Variants in ATP11A observed in about 807,000 individuals in gnomAD.
The protein encoded by ATP11A is phospholipid-transporting ATPase IH.
A neutral mutation model predicts 154.4 loss-of-function variants in ATP11A; 81 were observed. The observed-to-expected ratio is 0.52, with a 90% confidence interval of 0.44 to 0.63. ATP11A has a LOEUF of 0.63. Among genes scored for constraint, ATP11A ranks in the 30% least tolerant of loss-of-function variants. ATP11A has a pLI of 0.00. For synonymous variants in ATP11A, 623 were observed against 585.9 expected, an observed-to-expected ratio of 1.06 and a Z score of -0.91; for missense variants, 1,316 against 1,474.3, an observed-to-expected ratio of 0.89 and a Z score of 1.76.
intron 1 of ATP11A, among the ~76,000 whole-genome samples, chr13:112,728,844 A>G (rs955119369): frequency 1.3e-5 from 2 of 152,282 alleles, no homozygotes; most frequent in African/African-American, 4.8e-5. Flanking sequence ...TGGATATACA[A>G]ACAGTTCAAA....
intron 1 of ATP11A, among the ~76,000 whole-genome samples, chr13:112,717,086 G>C (rs1888553172): frequency 6.6e-6 from 1 of 152,188 alleles, no homozygotes; most frequent in African/African-American, 2.4e-5. Flanking sequence ...CTTCTGTTGT[G>C]ACCTTGACCA....
At chr13:112,714,391 A>ACGGGCAGAGG (rs1888187758) in intron 1 of ATP11A, among the ~76,000 whole-genome samples, 1 of 152,072 alleles carries the variant, frequency 6.6e-6, no homozygotes, top group African/African-American at 2.4e-5. Flanking sequence ...GTTTACGGTG[A>ACGGGCAGAGG]CTTTCCTATG....
At position 112,832,882 on chromosome 13, in the gene ATP11A, G is replaced by A. The variant is rs138532095; in HGVS notation, c.1418G>A (p.Arg473Gln). The change falls in exon 14 of 30, where the codon CGG becomes CAG. Residue 473 changes from arginine to glutamine, a missense_variant. By Grantham distance (43) the Arg-to-Gln change is conservative. This residue lies in a region of ATP11A where 876 missense variants were observed against 1,006.8 expected (regional missense o/e 0.87). Transcript: ENST00000375645. ...NGREREELFF[R>Q]ALCLCHTVQV... ...TAGGAGCGCGAGGAGCTGTTTTTCC[G>A]GGCCCTCTGTCTCTGCCACACCGTC... 466 of 1,613,380 alleles carry A rather than the reference G, an allele frequency of 2.9e-4. 1 individual carries two copies. In the East Asian group the frequency reaches 7.3e-3, roughly 25 times the overall value.
rs548735972 is a variant in ATP11A, at chr13:112,855,023, T to C, written c.2243+493T>C. Among the ~76,000 whole-genome samples the C allele has an allele frequency of 6.9e-4, 105 of 152,364 alleles. 1 individual carries two copies. Among genetic ancestry groups the C allele is most frequent in the African/African-American group, 2.5e-3 (103 of 41,588 alleles). On this transcript the variant is annotated intron_variant, in intron 19 of 29. Coordinates refer to ENST00000375645, the MANE Select transcript of ATP11A (RefSeq NM_015205.3). ...TTATCGATGCTGTCCTTACTGGTGT[T>C]AGATGCATTATCTGAGATTACATGT...
intron 2 of ATP11A, among the ~76,000 whole-genome samples, chr13:112,797,325 A>G (rs1398020231): frequency 6.6e-6 from 1 of 151,552 alleles, no homozygotes; most frequent in African/African-American, 2.4e-5. Context: ...TATATGCATA[A>G]TGAAAAAAAC....
chr13:112,880,418 A>G lies in ATP11A; in HGVS notation c.*10-1458A>G. ...CGCCCTGGCAGCTCCATGACACCCC[A>G]TGCAGACTCCAACAGGGGCTTCGAG... On this transcript the variant is annotated intron_variant, in intron 29 of 29. Transcript: ENST00000375645. 6.4e-6 allele frequency: 5 copies of G among 785,152 alleles called. No homozygotes were observed. The South Asian group carries it at 1.1e-4, about 17-fold the overall frequency. The allele number at this position is 785,152 out of a possible 1,614,324, so 48.6% of individuals were successfully genotyped here.
In ATP11A at chr13:112,810,837, G is replaced by A. The variant is rs1056213016; in HGVS notation, c.441+111G>A. The A allele has an allele frequency of 2.1e-5, 19 of 893,190 alleles. No individual in the cohort carries two copies. The African/African-American group carries it at 3.0e-4, about 14-fold the overall frequency. 55.3% of individuals were successfully genotyped at this position (893,190 alleles called of 1,614,324 possible). On this transcript the variant is annotated intron_variant, in intron 5 of 29. Coordinates refer to ENST00000375645, the MANE Select transcript of ATP11A (RefSeq NM_015205.3). ...TCCAGTCCCAGCTACTCAGGAGGCT[G>A]AGGCAGGAGGATCGCTGAGCCTGGA... is the stretch of plus-strand genomic sequence containing the variant.
At chr13:112,764,135 C>T (rs537844151) in intron 1 of ATP11A, among the ~76,000 whole-genome samples, 1 of 152,286 alleles carries the variant, frequency 6.6e-6, no homozygotes, top group African/African-American at 2.4e-5. Flanking sequence ...CCTGTTTGGC[C>T]GTAGCCCCCA....
At chr13:112,770,791 G>A (rs1420800139) in intron 1 of ATP11A, among the ~76,000 whole-genome samples, 4 of 152,212 alleles carry the variant, frequency 2.6e-5, no homozygotes, top group Admixed American at 1.3e-4. Flanking sequence ...CGGCGATGGC[G>A]AGTCAGGAGG....
chr13:112,707,442 A>T (rs774601738), intron 1 of ATP11A, among the ~76,000 whole-genome samples: 10 of 151,016 alleles, frequency 6.6e-5, no homozygotes, highest in Non-Finnish European at 1.2e-4. Context: ...AAAGAAGAAG[A>T]AGTTTTGCAG....
At position 112,882,802 on chromosome 13, in the gene ATP11A, G is replaced by C; in HGVS notation, c.*936G>C. On this transcript the variant is annotated 3_prime_UTR_variant, in exon 30 of 30. Transcript: ENST00000375645. This position sits in a 1 kb window ranked among gnomAD's most constrained non-coding sequence, Gnocchi z 5.1. ...GTTGATTTCGCGGGTGCGAGGGCCG[G>C]GAGACAGATACTTGGCTGTGATGAG... is the stretch of plus-strand genomic sequence containing the variant. 1 of 399,402 alleles carries C rather than the reference G, an allele frequency of 2.5e-6. No homozygotes were observed. Among genetic ancestry groups the C allele is most frequent in the Non-Finnish European group, 4.4e-6 (1 of 226,758 alleles). 24.7% of individuals were successfully genotyped at this position (399,402 alleles called of 1,614,324 possible).
At position 112,826,814 on chromosome 13, in the gene ATP11A, G is replaced by A. The variant is rs1174812819; in HGVS notation, c.1144G>A (p.Asp382Asn). The change falls in exon 12 of 30, where the codon GAC becomes AAC. Residue 382 changes from aspartate to asparagine, a missense_variant. Asp to Asn is a conservative substitution (Grantham distance 23). Transcript: ENST00000375645. Reference sequence around the variant, plus strand: ...CCTCGGCTCTTACTTCATCACCTGGGACGAAGACATGTTTGACGAGGAGAC... The same window carrying A: ...CCTCGGCTCTTACTTCATCACCTGGAACGAAGACATGTTTGACGAGGAGAC... Reference protein sequence around the residue: ...KFLGSYFITWDEDMFDEETGE... With the variant: ...KFLGSYFITWNEDMFDEETGE... The A allele has an allele frequency of 1.9e-6, 3 of 1,614,228 alleles. No homozygotes were observed. Among genetic ancestry groups the A allele is most frequent in the Admixed American group, 1.7e-5 (1 of 60,026 alleles).
At chr13:112,832,192 G>A (rs1184772470) in intron 13 of ATP11A, among the ~76,000 whole-genome samples, 1 of 152,232 alleles carries the variant, frequency 6.6e-6, no homozygotes, top group East Asian at 1.9e-4. Flanking sequence ...CCAGATCTCA[G>A]CATCTCTGGG....
intron 1 of ATP11A, among the ~76,000 whole-genome samples, chr13:112,711,923 G>A (rs1186831688): frequency 1.3e-5 from 2 of 152,218 alleles, no homozygotes; most frequent in Non-Finnish European, 2.9e-5. Flanking sequence ...TAAGGAGCGG[G>A]TGGAGGGGAG....
intron 1 of ATP11A, among the ~76,000 whole-genome samples, chr13:112,719,588 G>C (rs1236406981): frequency 6.6e-6 from 1 of 152,202 alleles, no homozygotes; most frequent in Non-Finnish European, 1.5e-5. Context: ...GGCAATGGCA[G>C]AACAGTCAGT....
intron 4 of ATP11A, 47 bp downstream of exon 4, chr13:112,806,340 G>A (rs1430164484): frequency 7.0e-7 from 1 of 1,426,892 alleles, no homozygotes; most frequent in South Asian, 1.2e-5. Flanking sequence ...TCTTCACCAT[G>A]TGAATTGCCT....
rs531136175 is a variant in ATP11A, at chr13:112,779,665, G to A, written c.40-5470G>A. Among the ~76,000 whole-genome samples, 143 of 152,314 alleles carry A rather than the reference G, an allele frequency of 9.4e-4. 1 individual carries two copies. The highest frequency in any genetic ancestry group is 1.8e-3 in the Admixed American group (28 of 15,308). Reference sequence around the variant, plus strand: ...GCAGTGGCTCACGCCTGTCATCCCAGCACTTTGGGAGGCTGAGGCGGGCGG... The same window carrying A: ...GCAGTGGCTCACGCCTGTCATCCCAACACTTTGGGAGGCTGAGGCGGGCGG... On this transcript the variant is annotated intron_variant, in intron 1 of 29. Coordinates refer to ENST00000375645, the MANE Select transcript of ATP11A (RefSeq NM_015205.3).
chr13:112,746,815 C>G lies in ATP11A; in HGVS notation c.40-38320C>G, dbSNP rs1892217961. On this transcript the variant is annotated intron_variant, in intron 1 of 29. Transcript: ENST00000375645. This position sits in a 1 kb window ranked among gnomAD's most constrained non-coding sequence, Gnocchi z 4.1. ...TCAAGTGATCCTCCTACGTTGACCT[C>G]CCTAAGTGCTGGGATTACAGCTGTG... is the stretch of plus-strand genomic sequence containing the variant. The G allele has an allele frequency of 6.6e-6, 1 of 151,976 alleles. No individual in the cohort carries two copies. The highest frequency in any genetic ancestry group is 1.5e-5 in the Non-Finnish European group (1 of 68,018). 9.4% of individuals were successfully genotyped at this position (151,976 alleles called of 1,614,324 possible).
rs149950543 is a variant in ATP11A, at chr13:112,839,740, G to A, written c.1706-2536G>A. Among the ~76,000 whole-genome samples, 108 of 152,298 alleles carry A rather than the reference G, an allele frequency of 7.1e-4. No homozygotes were observed. The East Asian group carries it at 0.015, about 22-fold the overall frequency. On this transcript the variant is annotated intron_variant, in intron 16 of 29. Coordinates refer to ENST00000375645, the MANE Select transcript of ATP11A (RefSeq NM_015205.3). ...TTCCTCACCAAGTCTTCAGGCTGAA[G>A]GTGTCCTGTGTCTTACAGTGGAATT...
Sources: gnomAD v4.1 joint callset for allele counts (sites outside exome capture counted in the v4.1 genomes callset) on GRCh38, gnomAD v4.1.1 for gene constraint, gnomAD v4.1.1 regional missense constraint, Gnocchi (gnomAD v3.1) non-coding constraint, MANE v1.5 for transcripts, NCBI Gene and HGNC (gene_info 2026-07-23, HGNC 2026-07-21) for gene names.